Variants in KHDRBS1 observed in about 807,000 individuals in gnomAD.
KHDRBS1 encodes the protein KH domain-containing, RNA-binding, signal transduction-associated protein 1.
KHDRBS1 carries 7 observed loss-of-function variants against 48.4 expected under a neutral mutation model. That is an observed-to-expected ratio of 0.14 (90% CI 0.08 to 0.27). KHDRBS1 has a LOEUF of 0.27. KHDRBS1 is among the 10% of genes least tolerant of loss of function. The pLI is 1.00. For synonymous variants in KHDRBS1, 241 were observed against 235.8 expected (o/e 1.02, Z -0.20); for missense variants, 458 against 601.2 (o/e 0.76, Z 2.49).
At chr1:32,026,507 G>A (rs1045956983) in intron 1 of KHDRBS1, among the ~76,000 whole-genome samples, 4 of 152,152 alleles carry the variant, frequency 2.6e-5, no homozygotes, top group Non-Finnish European at 4.4e-5. Context: ...AGGATTCTAA[G>A]ATCTGAGTAG....
At position 32,042,655 on chromosome 1, in the gene KHDRBS1, G is replaced by A. The variant is rs1226628373; in HGVS notation, c.*31G>A. 2 of 1,325,826 alleles carry A rather than the reference G, an allele frequency of 1.5e-6. No homozygotes were observed. Among genetic ancestry groups the A allele is most frequent in the Non-Finnish European group, 1.1e-6 (1 of 920,748 alleles). 82.1% of individuals were successfully genotyped at this position (1,325,826 alleles called of 1,614,324 possible). Reference sequence around the variant, plus strand: ...AACATGAGGGGAAAATATCAGTTATGAGCAAAGTTGTTACTGATTTCTTGT... The same window carrying A: ...AACATGAGGGGAAAATATCAGTTATAAGCAAAGTTGTTACTGATTTCTTGT... On this transcript the variant is annotated 3_prime_UTR_variant, in exon 9 of 9. Transcript: ENST00000327300.
intron 1 of KHDRBS1, among the ~76,000 whole-genome samples, chr1:32,022,333 A>G (rs1035702469): frequency 1.3e-5 from 2 of 152,098 alleles, no homozygotes; most frequent in African/African-American, 4.8e-5. Context: ...ATGATTATAG[A>G]TGCCTGTTGT....
chr1:32,028,595 T>C (rs1450797116), intron 1 of KHDRBS1, among the ~76,000 whole-genome samples: 3 of 149,080 alleles, frequency 2.0e-5, no homozygotes, highest in Non-Finnish European at 4.4e-5. Flanking sequence ...CTCTGCCTCC[T>C]GGGTTCATGC....
intron 1 of KHDRBS1, among the ~76,000 whole-genome samples, chr1:32,023,141 T>C (rs1305672801): frequency 6.6e-6 from 1 of 152,140 alleles, no homozygotes; most frequent in Non-Finnish European, 1.5e-5. Context: ...TCAAAACCCT[T>C]GTCTTTCCTC....
chr1:32,021,906 C>T (rs981584554), intron 1 of KHDRBS1, among the ~76,000 whole-genome samples: 1 of 151,820 alleles, frequency 6.6e-6, no homozygotes, highest in Non-Finnish European at 1.5e-5. Flanking sequence ...CTGCCTCAGC[C>T]TCCCAAAGTG....
chr1:32,015,085 T>C (rs1638710998), intron 1 of KHDRBS1, among the ~76,000 whole-genome samples: 2 of 152,200 alleles, frequency 1.3e-5, no homozygotes, highest in Non-Finnish European at 2.9e-5. Flanking sequence ...AATGGGACGA[T>C]AGGGACTCCC....
At chr1:32,039,275 A>G (rs1639239498) in intron 7 of KHDRBS1, among the ~76,000 whole-genome samples, 1 of 152,106 alleles carries the variant, frequency 6.6e-6, no homozygotes, top group Non-Finnish European at 1.5e-5. Flanking sequence ...TCAATTTAGG[A>G]TTGTGCTTTT....
intron 10 of KHDRBS1, among the ~76,000 whole-genome samples, chr1:32,055,316 C>T (rs1258666383): frequency 2.6e-5 from 4 of 152,034 alleles, no homozygotes; most frequent in African/African-American, 7.2e-5. Context: ...GACGTGGTGG[C>T]GCGCATCTGT....
intron 5 of KHDRBS1, 102 bp downstream of exon 5, chr1:32,037,145 T>G: frequency 7.7e-7 from 1 of 1,292,648 alleles, no homozygotes; most frequent in Non-Finnish European, 1.1e-6. Context: ...GGTCTCAGGA[T>G]TTGTATGTTG....
chr1:32,022,759 T>TG (rs1638886348), intron 1 of KHDRBS1, among the ~76,000 whole-genome samples: 1 of 151,962 alleles, frequency 6.6e-6, no homozygotes, highest in Admixed American at 6.6e-5. Flanking sequence ...TGTGGTGGCA[T>TG]GCGCCTATAG....
At chr1:32,017,265 A>G (rs1476200587) in intron 1 of KHDRBS1, among the ~76,000 whole-genome samples, 1 of 152,162 alleles carries the variant, frequency 6.6e-6, no homozygotes, top group Non-Finnish European at 1.5e-5. Context: ...CTCAAAAAAA[A>G]AAAAAAGACA....
rs1434743578 is a variant in KHDRBS1 at position 32,043,720 on chromosome 1, A to G, written c.*1096A>G. On this transcript the variant is annotated 3_prime_UTR_variant, in exon 9 of 9. Transcript: ENST00000327300. Reference sequence around the variant, plus strand: ...AAAAAGGAATCAAAATCCACTTTGTACATAAGTTAAAGTCCTAATTGGATT... The same window carrying G: ...AAAAAGGAATCAAAATCCACTTTGTGCATAAGTTAAAGTCCTAATTGGATT... The G allele has an allele frequency of 6.6e-6, 1 of 152,666 alleles. No homozygotes were observed. The highest frequency in any genetic ancestry group is 2.4e-5 in the African/African-American group (1 of 41,468). The allele number at this position is 152,666 out of a possible 1,614,324, so 9.5% of individuals were successfully genotyped here.
intron 8 of KHDRBS1, among the ~76,000 whole-genome samples, chr1:32,041,879 C>T (rs534533381): frequency 6.6e-6 from 1 of 152,322 alleles, no homozygotes; most frequent in Admixed American, 6.5e-5. Context: ...TGAGCCACCG[C>T]ATGCAGCCTT....
rs1001215329 is a variant in KHDRBS1 at position 32,025,935 on chromosome 1, T to A, written c.383-4363T>A. ...AATTTAAATATATATATATATTTATTTATTTATTTATTTATTTATTTTTGG... is the reference window on the plus strand; with the variant it reads ...AATTTAAATATATATATATATTTATATATTTATTTATTTATTTATTTTTGG... On this transcript the variant is annotated intron_variant, in intron 1 of 8. Coordinates refer to ENST00000327300, the MANE Select transcript of KHDRBS1 (RefSeq NM_006559.3). 1.4e-3 allele frequency among the ~76,000 whole-genome samples: 200 copies of A among 146,444 alleles called. 1 individual carries two copies. The highest frequency in any genetic ancestry group is 4.5e-3 in the African/African-American group (174 of 38,514).
downstream of KHDRBS1, among the ~76,000 whole-genome samples, chr1:32,046,900 T>C (rs1639364506): frequency 6.6e-6 from 1 of 152,172 alleles, no homozygotes; most frequent in African/African-American, 2.4e-5. Flanking sequence ...TTGATGTTGG[T>C]CACATGAATG....
chr1:32,047,965 C>T (rs1337972112), downstream of KHDRBS1, among the ~76,000 whole-genome samples: 1 of 152,158 alleles, frequency 6.6e-6, no homozygotes, highest in Non-Finnish European at 1.5e-5. Context: ...TTGGAATTGG[C>T]TTCTTTGACT....
At chr1:32,030,968 G>C (rs1639070354) in intron 2 of KHDRBS1, among the ~76,000 whole-genome samples, 1 of 152,078 alleles carries the variant, frequency 6.6e-6, no homozygotes, top group Non-Finnish European at 1.5e-5. Context: ...TAAGTGCTGG[G>C]CCAGGCACAG....
At position 32,014,172 on chromosome 1, in the gene KHDRBS1, C is replaced by A. The variant is rs1423498818; in HGVS notation, c.177C>A (p.Pro59=). 3 of 1,309,750 alleles carry A rather than the reference C, an allele frequency of 2.3e-6. No individual in the cohort carries two copies. The highest frequency in any genetic ancestry group is 4.1e-5 in the Admixed American group (1 of 24,202). 81.1% of individuals were successfully genotyped at this position (1,309,750 alleles called of 1,614,324 possible). The change falls in exon 1 of 9, where the codon CCC becomes CCA. Residue 59 remains proline (P), a synonymous_variant. Coordinates refer to ENST00000327300, the MANE Select transcript of KHDRBS1 (RefSeq NM_006559.3). ...GGSRGGARAS[P]ATQPPPLLPP... Reference sequence around the variant, plus strand: ...CCCGCGGGGGCGCCCGGGCCTCGCCCGCCACGCAGCCGCCACCGCTGCTGC... The same window carrying A: ...CCCGCGGGGGCGCCCGGGCCTCGCCAGCCACGCAGCCGCCACCGCTGCTGC...
chr1:32,014,037 T>A lies in KHDRBS1; in HGVS notation c.42T>A (p.Ser14=). 1 of 1,525,166 alleles carries A rather than the reference T, an allele frequency of 6.6e-7. No homozygotes were observed. 94.5% of individuals were successfully genotyped at this position (1,525,166 alleles called of 1,614,324 possible). A position where few individuals can be genotyped will look rare whatever the true frequency, so the allele number is the denominator to read the frequency against. The change falls in exon 1 of 9, where the codon TCT becomes TCA. Residue 14 remains serine (S), a synonymous_variant. Transcript: ENST00000327300. ...RDDPAARMSR[S]SGRSGSMDPS... ...ACCCCGCCGCGCGCATGAGCCGGTC[T>A]TCGGGCCGTAGCGGCTCCATGGACC... is the stretch of plus-strand genomic sequence containing the variant.
Sources: gnomAD v4.1 joint callset for allele counts (sites outside exome capture counted in the v4.1 genomes callset) on GRCh38, gnomAD v4.1.1 for gene constraint, MANE v1.5 for transcripts, NCBI Gene and HGNC (gene_info 2026-07-23, HGNC 2026-07-21) for gene names.